NLN: variants seen among roughly 807,000 people sequenced by gnomAD.
NLN encodes neurolysin, mitochondrial.
A neutral mutation model predicts 79.9 loss-of-function variants in NLN; 64 were observed. The ratio of observed to expected loss-of-function variants is 0.80; its 90% CI spans 0.65 to 0.99. The LOEUF (loss-of-function observed/expected upper bound fraction) is 0.99, where lower values mean the gene tolerates loss of function less well. Ranked by LOEUF, NLN falls within the 50% of genes least tolerant of loss-of-function variation. The probability of loss-of-function intolerance (pLI) is 0.00; values close to 1 mark genes in which losing one functional copy is unlikely to be tolerated. For missense variants in NLN, 835 were observed against 858.7 expected (o/e 0.97, Z 0.34); for synonymous variants, 267 against 296.6 (o/e 0.90, Z 1.02).
intron 1 of NLN, among the ~76,000 whole-genome samples, chr5:65,747,815 C>T (rs1418392907): frequency 6.6e-6 from 1 of 152,184 alleles, no homozygotes; most frequent in Non-Finnish European, 1.5e-5. Flanking sequence ...AGCACAGTTG[C>T]AGGATGTTAG....
chr5:65,788,596 G>GATT, intron 8 of NLN, 112 bp downstream of exon 8: 4 of 1,109,944 alleles, frequency 3.6e-6, no homozygotes, highest in Non-Finnish European at 5.2e-6. Flanking sequence ...AACACTTTGG[G>GATT]AGGCCAAGGT....
intron 3 of NLN, among the ~76,000 whole-genome samples, chr5:65,771,088 A>G (rs187611556): frequency 7.2e-5 from 11 of 152,310 alleles, no homozygotes; most frequent in African/African-American, 2.2e-4. Flanking sequence ...TGTCCTCACT[A>G]CATATATATA....
chr5:65,824,293 A>G lies in NLN; in HGVS notation c.*1378A>G, dbSNP rs961786678. On this transcript the variant is annotated 3_prime_UTR_variant, in exon 13 of 13. Coordinates refer to ENST00000380985, the MANE Select transcript of NLN (RefSeq NM_020726.5). The stretch of plus-strand genomic sequence containing the variant: ...ACTTTGTGCTAAATAAAAAATTATT[A>G]TACTACATAATAAAGTTACAGATAG... 3.3e-5 allele frequency: 5 copies of G among 152,188 alleles called. No individual in the cohort carries two copies. Among genetic ancestry groups the G allele is most frequent in the African/African-American group, 1.2e-4 (5 of 41,430 alleles). The allele number at this position is 152,188 out of a possible 1,614,324, so 9.4% of individuals were successfully genotyped here. A position where few individuals can be genotyped will look rare whatever the true frequency, so the allele number is the denominator to read the frequency against.
At chr5:65,756,747 C>T (rs940730284) in intron 1 of NLN, among the ~76,000 whole-genome samples, 57 of 152,144 alleles carry the variant, frequency 3.7e-4, no homozygotes, top group Non-Finnish European at 6.6e-4. Flanking sequence ...AAGCAATCTG[C>T]CTGCCTCACC....
chr5:65,752,908 A>G (rs1759131095), intron 1 of NLN, among the ~76,000 whole-genome samples: 2 of 152,214 alleles, frequency 1.3e-5, no homozygotes, highest in South Asian at 2.1e-4. Flanking sequence ...ATTTTAATGT[A>G]TTTAGTTGAC....
chr5:65,778,891 T>C (rs1734283), intron 4 of NLN, among the ~76,000 whole-genome samples: 87,140 of 151,894 alleles, frequency 0.57, 25,317 homozygotes, highest in South Asian at 0.61. Context: ...GATCCTGTGG[T>C]TAATCCTGAA....
At chr5:65,804,971 G>T (rs1760379494) in intron 9 of NLN, among the ~76,000 whole-genome samples, 1 of 152,150 alleles carries the variant, frequency 6.6e-6, no homozygotes, top group South Asian at 2.1e-4. Context: ...CTCCCTTCAT[G>T]TCTCTATGTC....
intron 1 of NLN, among the ~76,000 whole-genome samples, chr5:65,750,357 C>T (rs1261842784): frequency 6.6e-6 from 1 of 152,172 alleles, no homozygotes; most frequent in Non-Finnish European, 1.5e-5. Context: ...TTGGACTGCA[C>T]AGGTCTAGTG....
rs572613955 is a variant in NLN at position 65,734,640 on chromosome 5, A to G, written c.41+12226A>G. Among the ~76,000 whole-genome samples, 8 of 152,242 alleles carry G rather than the reference A, an allele frequency of 5.3e-5. 1 individual carries two copies. Among genetic ancestry groups the G allele is most frequent in the African/African-American group, 1.9e-4 (8 of 41,534 alleles). Reference sequence around the variant, plus strand: ...GAGGAAGTCCTCATATTTCCCAGCCATATTTTGCTGGTATCTTTAATATTT... The same window carrying G: ...GAGGAAGTCCTCATATTTCCCAGCCGTATTTTGCTGGTATCTTTAATATTT... On this transcript the variant is annotated intron_variant, in intron 1 of 12. Coordinates refer to ENST00000380985, the MANE Select transcript of NLN (RefSeq NM_020726.5).
Position 65,785,820 on chromosome 5 carries a change from G to A in NLN, c.868G>A (p.Val290Met). Residue 290 changes from valine to methionine, a missense_variant, in exon 7 of 13, where the codon GTG becomes ATG. Val to Met is a conservative substitution (Grantham distance 21). Coordinates refer to ENST00000380985, the MANE Select transcript of NLN (RefSeq NM_020726.5). ...GCAGCTACTCCCACTGCGAACCAAGGTGGCCAAACTACTCGGTTATAGCAC... is the reference window on the plus strand; with the variant it reads ...GCAGCTACTCCCACTGCGAACCAAGATGGCCAAACTACTCGGTTATAGCAC... ...LQQLLPLRTKVAKLLGYSTHA... is the reference protein window; with the variant it reads ...LQQLLPLRTKMAKLLGYSTHA... The A allele has an allele frequency of 9.9e-6, 16 of 1,613,714 alleles. No homozygotes were observed. The highest frequency in any genetic ancestry group is 1.4e-5 in the Non-Finnish European group (16 of 1,179,744).
chr5:65,801,834 T>C (rs530107501), intron 9 of NLN, among the ~76,000 whole-genome samples: 1 of 152,114 alleles, frequency 6.6e-6, no homozygotes, highest in Non-Finnish European at 1.5e-5. Context: ...TTCTGGATAT[T>C]GAATCCTCCC....
chr5:65,777,194 T>G (rs1303842685), intron 3 of NLN, among the ~76,000 whole-genome samples: 1 of 152,242 alleles, frequency 6.6e-6, no homozygotes, highest in Non-Finnish European at 1.5e-5. Flanking sequence ...TGATTTTGAT[T>G]CAAGGCAAGG....
At chr5:65,822,401 G>C (rs1390521334) in intron 12 of NLN, among the ~76,000 whole-genome samples, 2 of 152,240 alleles carry the variant, frequency 1.3e-5, no homozygotes, top group East Asian at 3.8e-4. Context: ...TACCCAGAAG[G>C]CTATTTGTAG....
At position 65,826,597 on chromosome 5, in the gene NLN, G is replaced by C. The variant is rs887822374; in HGVS notation, c.*3682G>C. ...ATTGAACATGCCTTCTCTTATAAATGTGTGGTGAGAATAAAAGCAACAAAG... is the reference window on the plus strand; with the variant it reads ...ATTGAACATGCCTTCTCTTATAAATCTGTGGTGAGAATAAAAGCAACAAAG... On this transcript the variant is annotated 3_prime_UTR_variant, in exon 13 of 13. Coordinates refer to ENST00000380985, the MANE Select transcript of NLN (RefSeq NM_020726.5). 6.6e-6 allele frequency: 1 copy of C among 152,180 alleles called. No individual in the cohort carries two copies. The highest frequency in any genetic ancestry group is 1.5e-5 in the Non-Finnish European group (1 of 68,038). The allele number at this position is 152,180 out of a possible 1,614,324, so 9.4% of individuals were successfully genotyped here.
intron 3 of NLN, among the ~76,000 whole-genome samples, chr5:65,776,907 T>C (rs1759693031): frequency 6.6e-6 from 1 of 152,216 alleles, no homozygotes; most frequent in Non-Finnish European, 1.5e-5. Flanking sequence ...TAAGGCATTT[T>C]TGAAGTGTTG....
At chr5:65,800,365 C>T (rs1179779159) in intron 9 of NLN, among the ~76,000 whole-genome samples, 1 of 152,148 alleles carries the variant, frequency 6.6e-6, no homozygotes, top group African/African-American at 2.4e-5. Context: ...TTTAGACATC[C>T]TATTGTTTGT....
In NLN at chr5:65,828,870, C is replaced by G. The variant is rs1760968416; in HGVS notation, c.*5955C>G. 6.6e-6 allele frequency: 1 copy of G among 152,202 alleles called. No homozygotes were observed. The highest frequency in any genetic ancestry group is 1.5e-5 in the Non-Finnish European group (1 of 68,044). The allele number at this position is 152,202 out of a possible 1,614,324, so 9.4% of individuals were successfully genotyped here. On this transcript the variant is annotated 3_prime_UTR_variant, in exon 13 of 13. Coordinates refer to ENST00000380985, the MANE Select transcript of NLN (RefSeq NM_020726.5). ...GGCATTCAGATGATTGCGGCTCCCC[C>G]ATACTGTAGGAATATTGTTTATGGC...
At chr5:65,790,227 C>T (rs1760024876) in intron 8 of NLN, among the ~76,000 whole-genome samples, 1 of 152,086 alleles carries the variant, frequency 6.6e-6, no homozygotes, top group Non-Finnish European at 1.5e-5. Context: ...GTAATACACA[C>T]AAGTTTGTAA....
At chr5:65,813,433 A>G (rs1006651128) in intron 12 of NLN, among the ~76,000 whole-genome samples, 2 of 152,252 alleles carry the variant, frequency 1.3e-5, no homozygotes, top group East Asian at 1.9e-4. Flanking sequence ...CCATAGAGAT[A>G]GTGCCCTTAG....
Sources: gnomAD v4.1 joint callset for allele counts (sites outside exome capture counted in the v4.1 genomes callset) on GRCh38, gnomAD v4.1.1 for gene constraint, MANE v1.5 for transcripts, NCBI Gene and HGNC (gene_info 2026-07-23, HGNC 2026-07-21) for gene names.